The following SLC44A5 variants were observed in gnomAD, a reference collection of about 807,000 sequenced individuals.
SLC44A5 encodes solute carrier family 44 member 5.
Under a neutral mutation model 101.8 loss-of-function variants are expected in SLC44A5, and 57 were observed. The observed-to-expected ratio is 0.56, with a 90% CI of 0.45 to 0.70. SLC44A5 has a LOEUF of 0.70. Among genes scored for constraint, SLC44A5 ranks in the 30% least tolerant of loss-of-function variants. The pLI is 0.00. For missense variants in SLC44A5, 737 were observed against 853.1 expected (o/e 0.86, Z 1.70); for synonymous variants, 281 against 290.9 (o/e 0.97, Z 0.35).
chr1:75,485,605 T>G (rs189305335), intron 2 of SLC44A5, among the ~76,000 whole-genome samples: 15 of 152,324 alleles, frequency 9.8e-5, no homozygotes, highest in African/African-American at 3.6e-4. Context: ...TGTTCCAACC[T>G]CTGCCTGCTT....
intron 2 of SLC44A5, among the ~76,000 whole-genome samples, chr1:75,484,707 T>C (rs1668062796): frequency 6.6e-6 from 1 of 152,186 alleles, no homozygotes; most frequent in Non-Finnish European, 1.5e-5. Context: ...TCCACAAGGG[T>C]TCCACCCCAG....
chr1:75,346,996 G>A (rs552311092), intron 3 of SLC44A5, among the ~76,000 whole-genome samples: 5 of 152,032 alleles, frequency 3.3e-5, no homozygotes, highest in East Asian at 1.9e-4. Flanking sequence ...TTCAGGCAGC[G>A]GCACAGTAAA....
At chr1:75,334,574 G>C (rs1165138898) in intron 4 of SLC44A5, among the ~76,000 whole-genome samples, 6 of 152,130 alleles carry the variant, frequency 3.9e-5, no homozygotes, top group African/African-American at 1.4e-4. Context: ...CAACTAGTTT[G>C]ATTGTAGTTA....
chr1:75,270,648 A>G (rs990662161), intron 6 of SLC44A5, among the ~76,000 whole-genome samples: 13 of 152,140 alleles, frequency 8.5e-5, no homozygotes, highest in African/African-American at 3.1e-4. Context: ...TGTAAGGGAA[A>G]ATCAACAGAA....
chr1:75,408,203 T>C (rs1663031836), intron 2 of SLC44A5, among the ~76,000 whole-genome samples: 1 of 152,146 alleles, frequency 6.6e-6, no homozygotes, highest in Non-Finnish European at 1.5e-5. Context: ...CATTAAAAAG[T>C]CAGGAAACAC....
At chr1:75,287,474 T>A (rs1418368434) in intron 5 of SLC44A5, among the ~76,000 whole-genome samples, 2 of 137,778 alleles carry the variant, frequency 1.5e-5, no homozygotes, top group African/African-American at 5.5e-5. Context: ...TTGGTTTGGA[T>A]CCATTGCTGG....
chr1:75,462,886 C>T (rs949962522), intron 2 of SLC44A5, among the ~76,000 whole-genome samples: 2 of 151,802 alleles, frequency 1.3e-5, no homozygotes, highest in Admixed American at 6.6e-5. Flanking sequence ...AGCACACCTG[C>T]GATATCTAGA....
intron 2 of SLC44A5, among the ~76,000 whole-genome samples, chr1:75,404,890 A>T (rs201012978): frequency 1.3e-5 from 2 of 152,248 alleles, no homozygotes; most frequent in Non-Finnish European, 2.9e-5. Context: ...CAATTTAAAG[A>T]CACAGACTGG....
chr1:75,442,532 C>T (rs561212979), intron 2 of SLC44A5, among the ~76,000 whole-genome samples: 1 of 152,178 alleles, frequency 6.6e-6, no homozygotes, highest in South Asian at 2.1e-4. Context: ...TAATCAGATG[C>T]CTCATTCTCC....
intron 3 of SLC44A5, among the ~76,000 whole-genome samples, chr1:75,376,420 C>T (rs1660616272): frequency 6.6e-6 from 1 of 152,150 alleles, no homozygotes; most frequent in Non-Finnish European, 1.5e-5. Context: ...GTAACCTCTG[C>T]AGACTTAAAT....
rs559262718 is a variant in SLC44A5, at chr1:75,251,127, G to A, written c.345+83C>T. ...CCCCCTGCCCACGCACACACACAGA[G>A]AACTCAAATGGAATTTCTCAATTCT... is the stretch of plus-strand genomic sequence containing the variant. On this transcript the variant is annotated intron_variant, in intron 7 of 23. Transcript: ENST00000370859. 1.6e-4 allele frequency: 176 copies of A among 1,092,110 alleles called. No homozygotes were observed. The Middle Eastern group carries it at 2.0e-3, about 12-fold the overall frequency. 67.7% of individuals were successfully genotyped at this position (1,092,110 alleles called of 1,614,324 possible).
At chr1:75,427,073 T>C (rs1201007978) in intron 2 of SLC44A5, among the ~76,000 whole-genome samples, 2 of 152,160 alleles carry the variant, frequency 1.3e-5, no homozygotes, top group African/African-American at 4.8e-5. Context: ...AATAAATCCA[T>C]TTGCTGCTTA....
chr1:75,402,860 T>C (rs892964438), intron 2 of SLC44A5, among the ~76,000 whole-genome samples: 1 of 152,004 alleles, frequency 6.6e-6, no homozygotes, highest in African/African-American at 2.4e-5. Context: ...TTTACTCCCC[T>C]GGAAAGGGTG....
chr1:75,472,094 A>C (rs1399087958), intron 2 of SLC44A5, among the ~76,000 whole-genome samples: 1 of 151,534 alleles, frequency 6.6e-6, no homozygotes, highest in Non-Finnish European at 1.5e-5. Context: ...AAAAAAAAAA[A>C]AAAAACTACT....
the SLC44A5 span, among the ~76,000 whole-genome samples, chr1:75,668,403 C>A: frequency 2.2e-5 from 3 of 134,384 alleles, no homozygotes; most frequent in East Asian, 4.9e-4. Context: ...GGCTCACATG[C>A]AACCTCGACC....
chr1:75,622,294 C>T, the SLC44A5 span, among the ~76,000 whole-genome samples: 1 of 152,030 alleles, frequency 6.6e-6, no homozygotes, highest in Non-Finnish European at 1.5e-5. Context: ...TCAAAGTACC[C>T]ATAACACTAC....
At chr1:75,548,562 T>C (rs1022368422) in intron 1 of SLC44A5, among the ~76,000 whole-genome samples, 1 of 152,268 alleles carries the variant, frequency 6.6e-6, no homozygotes, top group African/African-American at 2.4e-5. Context: ...CAAGTAACCA[T>C]GTCAAGAAAT....
chr1:75,519,100 G>A (rs549255453), intron 2 of SLC44A5, among the ~76,000 whole-genome samples: 7 of 152,032 alleles, frequency 4.6e-5, no homozygotes, highest in African/African-American at 4.8e-5. Flanking sequence ...CCACAAACAG[G>A]GCTTTGGTGT....
At chr1:75,536,290 A>G (rs954330870) in intron 2 of SLC44A5, among the ~76,000 whole-genome samples, 1 of 151,854 alleles carries the variant, frequency 6.6e-6, no homozygotes, top group African/African-American at 2.4e-5. Flanking sequence ...AAACACGGAA[A>G]AAGTGTCTTC....
Sources: allele counts gnomAD v4.1 joint callset (sites outside exome capture counted in the v4.1 genomes callset), GRCh38; gene constraint gnomAD v4.1.1; transcripts MANE v1.5; gene names NCBI Gene and HGNC (gene_info 2026-07-23, HGNC 2026-07-21).